Variants in C19orf18 observed in about 807,000 individuals in gnomAD.
The protein encoded by C19orf18 is uncharacterized protein C19orf18.
A neutral mutation model predicts 23.3 loss-of-function variants in C19orf18; 21 were observed. The ratio of observed to expected loss-of-function variants is 0.90; its 90% confidence interval spans 0.64 to 1.30. The LOEUF is 1.30. Among genes scored for constraint, C19orf18 ranks in the 50% most tolerant of loss-of-function variants. The pLI is 0.00. For missense variants in C19orf18, 249 were observed against 259.6 expected (o/e 0.96, Z 0.28); for synonymous variants, 96 against 95.2 (o/e 1.01, Z -0.05).
chr19:57,973,056 G>A (rs1471852753), intron 2 of C19orf18, among the ~76,000 whole-genome samples: 1 of 148,504 alleles, frequency 6.7e-6, no homozygotes. Flanking sequence ...GCTGAGGCAG[G>A]AGAATTGCTT....
chr19:57,973,020 C>T (rs753234448), intron 2 of C19orf18, among the ~76,000 whole-genome samples: 21 of 151,320 alleles, frequency 1.4e-4, no homozygotes, highest in East Asian at 3.9e-4. Flanking sequence ...TGGTGGCACG[C>T]GCCTGTAGTC....
At chr19:57,966,253 A>C (rs2072907045) in intron 4 of C19orf18, among the ~76,000 whole-genome samples, 1 of 152,120 alleles carries the variant, frequency 6.6e-6, no homozygotes, top group Non-Finnish European at 1.5e-5. Flanking sequence ...CTGGGATTAC[A>C]AGCGTGAGCC....
chr19:57,973,296 G>A (rs995626983), intron 2 of C19orf18, among the ~76,000 whole-genome samples: 2 of 151,788 alleles, frequency 1.3e-5, no homozygotes, highest in South Asian at 2.1e-4. Context: ...GCATGGAATG[G>A]AGATTATTTA....
At chr19:57,964,740 ATC>A (rs1355256512) in intron 4 of C19orf18, among the ~76,000 whole-genome samples, 1 of 152,212 alleles carries the variant, frequency 6.6e-6, no homozygotes, top group Non-Finnish European at 1.5e-5. Flanking sequence ...CTCAGAAAAT[ATC>A]TCACACATGG....
chr19:57,972,587 G>T, intron 2 of C19orf18, 83 bp from the exon 3 acceptor site: 2 of 1,478,062 alleles, frequency 1.4e-6, no homozygotes, highest in Non-Finnish European at 1.9e-6. Context: ...AAATAACTTA[G>T]CATTAGAGAA....
In C19orf18 at chr19:57,960,601, A is replaced by T. The variant is rs1338476727; in HGVS notation, c.532+790T>A. Among the ~76,000 whole-genome samples, 6 of 152,218 alleles carry T rather than the reference A, an allele frequency of 3.9e-5. No homozygotes were observed. In the East Asian group the frequency reaches 1.2e-3, roughly 29 times the overall value. ...TGGATCCCATTTTCACGTCAGATGG[A>T]GACAGATGGTGCAGGTGAAACATCT... On this transcript the variant is annotated intron_variant, in intron 5 of 5. Coordinates refer to ENST00000314391, the MANE Select transcript of C19orf18 (RefSeq NM_152474.5).
At chr19:57,969,555 A>T (rs2072929783) in intron 3 of C19orf18, among the ~76,000 whole-genome samples, 1 of 127,594 alleles carries the variant, frequency 7.8e-6, no homozygotes, top group Non-Finnish European at 1.6e-5. Flanking sequence ...ACTCTGTCTT[A>T]AAAAAAAACA....
chr19:57,958,605 C>G lies in C19orf18; in HGVS notation c.645G>C (p.Leu215Phe). Residue 215 changes from leucine (L) to phenylalanine (F), a missense_variant, in exon 6 of 6, where the codon TTG becomes TTC. Leu to Phe is a conservative substitution (Grantham distance 22, BLOSUM62 0). Transcript: ENST00000314391. ...CCGGCACCTCTGTCGTCTGCGTTCA[C>G]AAGTCTTCCATTTTTCCATTATGTG... ...NASHNGKMED[L>F] is the part of the protein sequence containing the mutation. 6.3e-7 allele frequency: 1 copy of G among 1,595,980 alleles called. No homozygotes were observed. The highest frequency in any genetic ancestry group is 1.1e-5 in the South Asian group (1 of 88,644).
At chr19:57,961,648 T>C (rs1431643417) in intron 4 of C19orf18, 97 bp from the exon 5 acceptor site, 21 of 1,360,148 alleles carry the variant, frequency 1.5e-5, no homozygotes, top group Non-Finnish European at 2.1e-5. Flanking sequence ...GAGTCGCTTG[T>C]GGAGTGGGTG....
chr19:57,966,856 C>T (rs550565172), intron 3 of C19orf18, among the ~76,000 whole-genome samples: 5 of 151,656 alleles, frequency 3.3e-5, no homozygotes, highest in South Asian at 2.1e-4. Flanking sequence ...CCGCAACTTT[C>T]GCCTCCCGGG....
intron 3 of C19orf18, among the ~76,000 whole-genome samples, chr19:57,971,453 T>C (rs146146541): frequency 1.4e-5 from 2 of 144,404 alleles, no homozygotes; most frequent in African/African-American, 5.1e-5. Flanking sequence ...CCTACCTGCC[T>C]TCCTGTAAAA....
intron 4 of C19orf18, among the ~76,000 whole-genome samples, chr19:57,966,179 G>A (rs145855397): frequency 3.3e-5 from 5 of 151,984 alleles, no homozygotes; most frequent in South Asian, 2.1e-4. Context: ...GGGTTTCACC[G>A]TGTTAGCCAG....
intron 3 of C19orf18, among the ~76,000 whole-genome samples, chr19:57,970,493 G>A (rs903646322): frequency 2.6e-5 from 4 of 152,038 alleles, no homozygotes; most frequent in Admixed American, 2.6e-4. Flanking sequence ...AATAAACTCT[G>A]TACTTAATCA....
At chr19:57,961,255 AAAGG>A (rs112154725) in intron 5 of C19orf18, 132 bp downstream of exon 5, 6 of 954,198 alleles carry the variant, frequency 6.3e-6, no homozygotes, top group Admixed American at 5.8e-5. Context: ...TGAAAGAAAG[AAAGG>A]AAGGAAGAAA....
chr19:57,961,511 G>T lies in C19orf18; in HGVS notation c.412C>A (p.Leu138Ile), dbSNP rs2072872013. The change falls in exon 5 of 6, where the codon CTT becomes ATT. Residue 138 changes from leucine (L) to isoleucine (I), a missense_variant. Transcript: ENST00000314391. ...AACGGTATCCTGAGGTTCTTATAAA[G>T]TGACTCGAGCTGTTGTCTTTCCTCA... ...QAEERQQLES[L>I]YKNLRIPLLG... 1 of 1,613,964 alleles carries T rather than the reference G, an allele frequency of 6.2e-7. No individual in the cohort carries two copies. Among genetic ancestry groups the T allele is most frequent in the South Asian group, 1.1e-5 (1 of 91,078 alleles).
intron 3 of C19orf18, among the ~76,000 whole-genome samples, chr19:57,971,977 G>C (rs1249869021): frequency 6.6e-6 from 1 of 152,180 alleles, no homozygotes. Context: ...GAGATGGGTA[G>C]GTGGTGGGGG....
Position 57,961,504 on chromosome 19 carries a change from T to G in C19orf18, c.419A>C (p.Lys140Thr). The G allele has an allele frequency of 6.2e-7, 1 of 1,614,156 alleles. No homozygotes were observed. The highest frequency in any genetic ancestry group is 1.1e-5 in the South Asian group (1 of 91,086). Residue 140 changes from lysine (K) to threonine (T), a missense_variant, in exon 5 of 6, where the codon AAG becomes ACG. Coordinates refer to ENST00000314391, the MANE Select transcript of C19orf18 (RefSeq NM_152474.5). ...TCCTAATAACGGTATCCTGAGGTTC[T>G]TATAAAGTGACTCGAGCTGTTGTCT... ...EERQQLESLY[K>T]NLRIPLLGDE... is the part of the protein sequence containing the mutation.
intron 3 of C19orf18, 138 bp downstream of exon 3, chr19:57,972,325 G>A: frequency 1.0e-6 from 1 of 1,000,412 alleles, no homozygotes; most frequent in South Asian, 1.7e-5. Flanking sequence ...CCTCCAGAGG[G>A]GGCACCTTGT....
Position 57,969,504 on chromosome 19 carries a change from G to A in C19orf18, c.269-2872C>T, listed in dbSNP as rs377707222. ...CAGGAGGTGGAGGTTGCAGTGAGCC[G>A]CGATGGCGCCATTGCACTCCAGCCT... On this transcript the variant is annotated intron_variant, in intron 3 of 5. Coordinates refer to ENST00000314391, the MANE Select transcript of C19orf18 (RefSeq NM_152474.5). 3.2e-4 allele frequency among the ~76,000 whole-genome samples: 45 copies of A among 141,482 alleles called. No homozygotes were observed. In the East Asian group the frequency reaches 5.4e-3, roughly 17 times the overall value. 92.8% of individuals were successfully genotyped at this position (141,482 alleles called of 152,430 possible).
Sources: gnomAD v4.1 joint callset for allele counts (sites outside exome capture counted in the v4.1 genomes callset) on GRCh38, gnomAD v4.1.1 for gene constraint, MANE v1.5 for transcripts, NCBI Gene and HGNC (gene_info 2026-07-23, HGNC 2026-07-21) for gene names.